CTNNA3: variants seen among roughly 807,000 people sequenced by gnomAD.
CTNNA3 encodes catenin alpha-3.
In CTNNA3, 76 loss-of-function variants were observed where a neutral mutation model predicts 95.7. The observed-to-expected ratio is 0.79, with a 90% CI of 0.66 to 0.96. The LOEUF is 0.96. Among genes scored for constraint, CTNNA3 ranks in the 40% least tolerant of loss-of-function variants. CTNNA3 has a pLI of 0.00. For missense variants in CTNNA3, 1,191 were observed against 1,089.8 expected (o/e 1.09, Z -1.31); for synonymous variants, 431 against 374.4 (o/e 1.15, Z -1.74).
chr10:66,509,268 A>G (rs150678036), intron 11 of CTNNA3, among the ~76,000 whole-genome samples: 2 of 152,062 alleles, frequency 1.3e-5, no homozygotes, highest in Non-Finnish European at 2.9e-5. Context: ...AGTTCATTAT[A>G]TATCATGGAT....
intron 5 of CTNNA3, among the ~76,000 whole-genome samples, chr10:67,263,591 C>T (rs1037187638): frequency 2.0e-5 from 3 of 152,156 alleles, no homozygotes; most frequent in African/African-American, 7.2e-5. Flanking sequence ...CCTCGATCTT[C>T]CACTCTCCAG....
At chr10:66,665,551 C>G (rs1165668202) in intron 9 of CTNNA3, among the ~76,000 whole-genome samples, 1 of 152,136 alleles carries the variant, frequency 6.6e-6, no homozygotes, top group Non-Finnish European at 1.5e-5. Flanking sequence ...ATCTGAGAAT[C>G]TTTACCCAAT....
intron 12 of CTNNA3, among the ~76,000 whole-genome samples, chr10:66,375,934 ACCTGTATTTGCCATCACTG>A (rs1391805738): frequency 2.0e-5 from 3 of 152,100 alleles, no homozygotes. Flanking sequence ...TGATGAATGA[ACCTGTATTTGCCATCACTG>A]CCAGTTGCCA....
chr10:67,728,694 T>G (rs1341268693), intron 1 of CTNNA3, among the ~76,000 whole-genome samples: 1 of 151,982 alleles, frequency 6.6e-6, no homozygotes, highest in African/African-American at 2.4e-5. Flanking sequence ...TGTAATTAAT[T>G]TTTCATTGTT....
intron 9 of CTNNA3, among the ~76,000 whole-genome samples, chr10:66,701,411 G>C (rs1282010587): frequency 6.6e-6 from 1 of 152,052 alleles, no homozygotes; most frequent in African/African-American, 2.4e-5. Flanking sequence ...ATTTTGATCT[G>C]GACTCCATTA....
intron 15 of CTNNA3, among the ~76,000 whole-genome samples, chr10:66,019,817 A>G (rs1589256206): frequency 6.6e-6 from 1 of 152,312 alleles, no homozygotes; most frequent in South Asian, 2.1e-4. Context: ...TAGGAATGTT[A>G]ACTTTTTTTG....
chr10:67,212,814 T>G (rs535541369), intron 6 of CTNNA3, among the ~76,000 whole-genome samples: 7 of 152,016 alleles, frequency 4.6e-5, no homozygotes, highest in African/African-American at 1.7e-4. Flanking sequence ...CATAATGACT[T>G]TTTTATCTAG....
chr10:67,516,375 A>G (rs1257463033), intron 5 of CTNNA3, among the ~76,000 whole-genome samples: 1 of 152,136 alleles, frequency 6.6e-6, no homozygotes, highest in East Asian at 1.9e-4. Flanking sequence ...GAACTCATCA[A>G]CTTTTTCTTC....
intron 2 of CTNNA3, among the ~76,000 whole-genome samples, chr10:67,628,713 T>A (rs1365567244): frequency 6.6e-6 from 1 of 152,106 alleles, no homozygotes; most frequent in African/African-American, 2.4e-5. Context: ...ATATGATATA[T>A]CTTGGTATAT....
At position 66,946,066 on chromosome 10, in the gene CTNNA3, C is replaced by T. The variant is rs960398639; in HGVS notation, c.1048-170542G>A. ...ATGTAACACAGAGACATGAAATGAG[C>T]ACATGCTGTTGAAAAACAGAGCTCA... On this transcript the variant is annotated intron_variant, in intron 7 of 17. Coordinates refer to ENST00000433211, the MANE Select transcript of CTNNA3 (RefSeq NM_013266.4). Among the ~76,000 whole-genome samples the T allele has an allele frequency of 3.9e-5, 6 of 152,100 alleles. 1 individual carries two copies. The highest frequency in any genetic ancestry group is 2.0e-4 in the Admixed American group (3 of 15,266).
chr10:66,171,048 A>C (rs1349213492), intron 13 of CTNNA3, among the ~76,000 whole-genome samples: 1 of 151,898 alleles, frequency 6.6e-6, no homozygotes, highest in Non-Finnish European at 1.5e-5. Flanking sequence ...CACGAGAATC[A>C]CTTGAACCTG....
chr10:66,106,222 A>G (rs200246635), intron 13 of CTNNA3, among the ~76,000 whole-genome samples: 13 of 103,346 alleles, frequency 1.3e-4, no homozygotes, highest in East Asian at 7.9e-4. Flanking sequence ...AAAAAAAAAG[A>G]AAAAAAAATG....
intron 7 of CTNNA3, among the ~76,000 whole-genome samples, chr10:66,920,311 A>G (rs1846723383): frequency 6.6e-6 from 1 of 152,240 alleles, no homozygotes; most frequent in Non-Finnish European, 1.5e-5. Flanking sequence ...CAGATGAGCA[A>G]ACTGAGACCC....
At chr10:66,029,100 G>A (rs1045967340) in intron 15 of CTNNA3, among the ~76,000 whole-genome samples, 7 of 152,068 alleles carry the variant, frequency 4.6e-5, no homozygotes, top group African/African-American at 1.7e-4. Flanking sequence ...GAAATTTCAA[G>A]GAAATAAAAG....
chr10:66,642,597 TAGA>T (rs1345997983), intron 9 of CTNNA3, among the ~76,000 whole-genome samples: 1 of 152,138 alleles, frequency 6.6e-6, no homozygotes, highest in African/African-American at 2.4e-5. Context: ...TTCCCTTGGC[TAGA>T]AATATTTCCA....
chr10:66,138,275 C>A (rs1291117235), intron 13 of CTNNA3, among the ~76,000 whole-genome samples: 1 of 152,082 alleles, frequency 6.6e-6, no homozygotes, highest in Non-Finnish European at 1.5e-5. Context: ...AAGAATCTGG[C>A]AATTTACTTT....
At chr10:66,192,583 GCTTAAC>G (rs1246170072) in intron 13 of CTNNA3, among the ~76,000 whole-genome samples, 1 of 152,140 alleles carries the variant, frequency 6.6e-6, no homozygotes, top group Non-Finnish European at 1.5e-5. Flanking sequence ...GTACTTGAGT[GCTTAAC>G]ATGTGTTACA....
At chr10:67,294,705 TG>T (rs1564542474) in intron 5 of CTNNA3, among the ~76,000 whole-genome samples, 2 of 152,146 alleles carry the variant, frequency 1.3e-5, no homozygotes, top group Admixed American at 1.3e-4. Flanking sequence ...TCTCTTTTAC[TG>T]GGGGAAAGTA....
At chr10:67,166,829 G>A (rs539997315) in intron 7 of CTNNA3, among the ~76,000 whole-genome samples, 9 of 152,276 alleles carry the variant, frequency 5.9e-5, no homozygotes, top group Middle Eastern at 3.4e-3. Context: ...ACTTCTGGCC[G>A]GGCGCGGTGG....
Sources: allele counts gnomAD v4.1 joint callset (sites outside exome capture counted in the v4.1 genomes callset), GRCh38; gene constraint gnomAD v4.1.1; transcripts MANE v1.5; gene names NCBI Gene and HGNC (gene_info 2026-07-23, HGNC 2026-07-21).